Variants in ADAMDEC1 observed in about 807,000 individuals in gnomAD.
ADAMDEC1 encodes ADAM like decysin 1.
Under a neutral mutation model 60.4 loss-of-function variants are expected in ADAMDEC1, and 62 were observed. That is an observed-to-expected ratio of 1.03 (90% confidence interval 0.84 to 1.27). ADAMDEC1 has a LOEUF of 1.27. ADAMDEC1 is among the 50% of genes most tolerant of loss of function. The probability of loss-of-function intolerance (pLI) is 0.00; values close to 1 mark genes in which losing one functional copy is unlikely to be tolerated. For synonymous variants in ADAMDEC1, 210 were observed against 195.1 expected, an observed-to-expected ratio of 1.08 and a Z score of -0.64; for missense variants, 595 against 565.0, an observed-to-expected ratio of 1.05 and a Z score of -0.54.
At position 24,384,490 on chromosome 8, in the gene ADAMDEC1, G is replaced by A; in HGVS notation, c.-15G>A. 6.3e-7 allele frequency: 1 copy of A among 1,592,874 alleles called. No individual in the cohort carries two copies. On this transcript the variant is annotated 5_prime_UTR_variant, in exon 1 of 14. Coordinates refer to ENST00000256412, the MANE Select transcript of ADAMDEC1 (RefSeq NM_014479.3). Reference sequence around the variant, plus strand: ...TGGAGAAGATAAAACTGGACACTGGGGAGACCACAACTTCATGCTGCGTGG... The same window carrying A: ...TGGAGAAGATAAAACTGGACACTGGAGAGACCACAACTTCATGCTGCGTGG...
intron 11 of ADAMDEC1, among the ~76,000 whole-genome samples, 189 bp from the exon 12 acceptor site, chr8:24,401,726 T>C (rs560912310): frequency 6.6e-6 from 1 of 152,278 alleles, no homozygotes; most frequent in East Asian, 1.9e-4. Flanking sequence ...TACCATAGTA[T>C]GCATGCTCTA....
intron 4 of ADAMDEC1, among the ~76,000 whole-genome samples, chr8:24,395,215 G>C (rs1041160314): frequency 6.6e-6 from 1 of 152,228 alleles, no homozygotes; most frequent in African/African-American, 2.4e-5. Context: ...AGGAGTGATA[G>C]TGTGAAATAT....
chr8:24,396,531 A>C (rs182708086), intron 5 of ADAMDEC1, among the ~76,000 whole-genome samples: 23 of 152,294 alleles, frequency 1.5e-4, no homozygotes, highest in African/African-American at 5.5e-4. Context: ...AAAAAGAAAA[A>C]GAAGGTAACA....
In ADAMDEC1 at chr8:24,388,680, G is replaced by A. The variant is rs190839339; in HGVS notation, c.89-3582G>A. 5.5e-3 allele frequency among the ~76,000 whole-genome samples: 843 copies of A among 152,156 alleles called. 2 individuals carry two copies. Among genetic ancestry groups the A allele is most frequent in the Non-Finnish European group, 9.8e-3 (669 of 67,998 alleles). ...TATTTGGTGATTTATCTAATCTTTAGCTTTAAGTACCATCCACAAGAGGAC... is the reference window on the plus strand; with the variant it reads ...TATTTGGTGATTTATCTAATCTTTAACTTTAAGTACCATCCACAAGAGGAC... On this transcript the variant is annotated intron_variant, in intron 1 of 13. Coordinates refer to ENST00000256412, the MANE Select transcript of ADAMDEC1 (RefSeq NM_014479.3).
chr8:24,403,026 G>T, intron 12 of ADAMDEC1, among the ~76,000 whole-genome samples: 1 of 152,074 alleles, frequency 6.6e-6, no homozygotes, highest in East Asian at 1.9e-4. Context: ...AGGTACTTCT[G>T]GTTTCAGCAA....
At chr8:24,388,674 TCTTTAG>T (rs1391036197) in intron 1 of ADAMDEC1, among the ~76,000 whole-genome samples, 1 of 152,194 alleles carries the variant, frequency 6.6e-6, no homozygotes, top group Non-Finnish European at 1.5e-5. Context: ...ATTTATCTAA[TCTTTAG>T]CTTTAAGTAC....
chr8:24,397,265 C>T lies in ADAMDEC1; in HGVS notation c.441-5C>T, dbSNP rs1460528607. The T allele has an allele frequency of 1.6e-5, 25 of 1,609,082 alleles. No homozygotes were observed. Among genetic ancestry groups the T allele is most frequent in the Non-Finnish European group, 2.0e-5 (23 of 1,178,242 alleles). ...TCCTGAAATATAAGTCTCTATATCT[C>T]CCAGAGGATACTTCACACATCATCA... On this transcript the variant is annotated splice_region_variant and splice_polypyrimidine_tract_variant and intron_variant, in intron 5 of 13. Coordinates refer to ENST00000256412, the MANE Select transcript of ADAMDEC1 (RefSeq NM_014479.3).
chr8:24,389,154 T>C (rs1817373493), intron 1 of ADAMDEC1, among the ~76,000 whole-genome samples: 1 of 152,166 alleles, frequency 6.6e-6, no homozygotes. Flanking sequence ...AGAAGCCAAC[T>C]TGCCAGATTA....
Position 24,402,023 on chromosome 8 carries a change from A to G in ADAMDEC1, c.1251A>G (p.Ile417Met), listed in dbSNP as rs763302466. ...TGCAAGCACCTATTCCTACAAATATAATGACAACACCAGTGTGTGGGAACC... is the reference window on the plus strand; with the variant it reads ...TGCAAGCACCTATTCCTACAAATATGATGACAACACCAGTGTGTGGGAACC... ...CLLQAPIPTN[I>M]MTTPVCGNHL... is the part of the protein sequence containing the mutation. Residue 417 changes from isoleucine (I) to methionine (M), a missense_variant, in exon 12 of 14, where the codon ATA becomes ATG. Physicochemically the swap from Ile to Met is conservative, Grantham distance 10. Transcript: ENST00000256412. 4 of 1,613,342 alleles carry G rather than the reference A, an allele frequency of 2.5e-6. No individual in the cohort carries two copies. In the South Asian group the frequency reaches 4.4e-5, roughly 18 times the overall value.
chr8:24,387,387 C>T (rs896836455), intron 1 of ADAMDEC1: 3 of 152,154 alleles, frequency 2.0e-5, no homozygotes, highest in African/African-American at 7.2e-5. Flanking sequence ...GGTTCTTCCT[C>T]CCTTCCCTTT....
intron 1 of ADAMDEC1, among the ~76,000 whole-genome samples, chr8:24,390,921 T>C (rs1224019577): frequency 2.0e-5 from 3 of 152,148 alleles, no homozygotes; most frequent in Non-Finnish European, 4.4e-5. Flanking sequence ...GGAAAACAGA[T>C]ATTTTGAGGG....
intron 3 of ADAMDEC1, among the ~76,000 whole-genome samples, chr8:24,393,803 T>A (rs1490671454): frequency 6.6e-6 from 1 of 152,114 alleles, no homozygotes. Flanking sequence ...GTGTCCTTGG[T>A]GCAAGAAATC....
Position 24,394,131 on chromosome 8 carries a change from C to T in ADAMDEC1, c.347C>T (p.Thr116Met), listed in dbSNP as rs201994292. The change falls in exon 4 of 14, where the codon ACG becomes ATG. Residue 116 changes from threonine to methionine, a missense_variant. Transcript: ENST00000256412. ...LYSPRGEEIT[T>M]KPENMEHCYY... ...TCACCCAGAGGAGAGGAAATTACCA[C>T]GAAACCTGAGAACATGGTAGGGTCC... 726 of 1,611,980 alleles carry T rather than the reference C, an allele frequency of 4.5e-4. 5 individuals are homozygous for T. The South Asian group carries it at 5.9e-3, about 13-fold the overall frequency.
At chr8:24,386,266 C>T (rs1817289546) in intron 1 of ADAMDEC1, among the ~76,000 whole-genome samples, 2 of 152,074 alleles carry the variant, frequency 1.3e-5, no homozygotes, top group Admixed American at 1.3e-4. Flanking sequence ...TTATGTTTAC[C>T]CATACACAAT....
chr8:24,403,564 G>A (rs1817817485), intron 12 of ADAMDEC1, among the ~76,000 whole-genome samples: 1 of 151,928 alleles, frequency 6.6e-6, no homozygotes, highest in African/African-American at 2.4e-5. Context: ...AACTTTGAAG[G>A]GCACTGATAT....
intron 9 of ADAMDEC1, 127 bp from the exon 10 acceptor site, chr8:24,399,266 A>G: frequency 4.6e-6 from 5 of 1,094,050 alleles, no homozygotes; most frequent in Non-Finnish European, 6.9e-6. Flanking sequence ...GGAATAGTAG[A>G]AGTTTTTTGG....
At chr8:24,390,102 A>C (rs1281919209) in intron 1 of ADAMDEC1, 1 of 481,664 alleles carries the variant, frequency 2.1e-6, no homozygotes, top group African/African-American at 2.0e-5. Flanking sequence ...ATCAATGTCT[A>C]TTCTATTATT....
At chr8:24,390,933 T>A (rs769406975) in intron 1 of ADAMDEC1, among the ~76,000 whole-genome samples, 1 of 152,106 alleles carries the variant, frequency 6.6e-6, no homozygotes, top group Non-Finnish European at 1.5e-5. Context: ...TTTTGAGGGC[T>A]CTTCCAAAAT....
intron 1 of ADAMDEC1, among the ~76,000 whole-genome samples, chr8:24,389,921 C>T (rs1303197447): frequency 6.6e-6 from 1 of 152,190 alleles, no homozygotes; most frequent in African/African-American, 2.4e-5. Context: ...AATTGCAACA[C>T]TCACCTCTAA....
Sources: gnomAD v4.1 joint callset for allele counts (sites outside exome capture counted in the v4.1 genomes callset) on GRCh38, gnomAD v4.1.1 for gene constraint, MANE v1.5 for transcripts, NCBI Gene and HGNC (gene_info 2026-07-23, HGNC 2026-07-21) for gene names.